The following UBXN2A variants were observed in gnomAD, a reference collection of about 807,000 sequenced individuals.
UBXN2A encodes the protein UBX domain-containing protein 2A.
A neutral mutation model predicts 28.4 loss-of-function variants in UBXN2A; 28 were observed. The ratio of observed to expected loss-of-function variants is 0.99; its 90% CI spans 0.73 to 1.35. The LOEUF (loss-of-function observed/expected upper bound fraction) is 1.35. UBXN2A is among the 40% of genes most tolerant of loss of function. The pLI is 0.00. For missense variants in UBXN2A, 253 were observed against 297.9 expected (o/e 0.85, Z 1.11); for synonymous variants, 97 against 103.6 (o/e 0.94, Z 0.39).
rs1487106122 is a variant in UBXN2A, at chr2:24,003,772, T to C, written c.*3905T>C. ...GGCAATGATAAAATCAATGAGCTTA[T>C]CTTTCTGATATAGAAAATAACAGGA... On this transcript the variant is annotated 3_prime_UTR_variant, in exon 7 of 7. Transcript: ENST00000309033. 1.3e-5 allele frequency: 2 copies of C among 151,186 alleles called. No homozygotes were observed. Among genetic ancestry groups the C allele is most frequent in the Non-Finnish European group, 2.9e-5 (2 of 67,862 alleles). The allele number at this position is 151,186 out of a possible 1,614,324, so 9.4% of individuals were successfully genotyped here.
intron 1 of UBXN2A, among the ~76,000 whole-genome samples, chr2:23,953,369 A>G (rs1253724884): frequency 6.6e-6 from 1 of 152,140 alleles, no homozygotes; most frequent in African/African-American, 2.4e-5. Flanking sequence ...TTTGATTTTA[A>G]TTATATTCCA....
At chr2:23,946,327 T>G (rs564986255) in intron 1 of UBXN2A, among the ~76,000 whole-genome samples, 3 of 148,074 alleles carry the variant, frequency 2.0e-5, no homozygotes, top group Non-Finnish European at 4.5e-5. Context: ...CTAATTTTTG[T>G]TTTTTGTTGT....
At chr2:23,944,996 T>G (rs1705989080) in intron 1 of UBXN2A, among the ~76,000 whole-genome samples, 1 of 152,162 alleles carries the variant, frequency 6.6e-6, no homozygotes, top group African/African-American at 2.4e-5. Context: ...TTTTCTTGCA[T>G]TTCTAGAAAA....
chr2:23,974,135 C>T (rs1707547576), intron 3 of UBXN2A, among the ~76,000 whole-genome samples: 1 of 150,782 alleles, frequency 6.6e-6, no homozygotes, highest in Admixed American at 6.6e-5. Context: ...CTGCCTCAGC[C>T]TCCTGAGTAG....
intron 1 of UBXN2A, among the ~76,000 whole-genome samples, chr2:23,952,289 GGT>G (rs1300129118): frequency 1.2e-4 from 18 of 151,622 alleles, no homozygotes; most frequent in Non-Finnish European, 2.2e-4. Flanking sequence ...TTTTTAAGAC[GGT>G]CTCCCTCTGT....
intron 1 of UBXN2A, among the ~76,000 whole-genome samples, chr2:23,932,410 C>T (rs532240165): frequency 2.6e-5 from 4 of 151,948 alleles, no homozygotes; most frequent in East Asian, 1.9e-4. Context: ...GCAAACATCC[C>T]GCAAAATCCT....
At chr2:23,970,697 A>G (rs1227452304) in intron 2 of UBXN2A, among the ~76,000 whole-genome samples, 3 of 151,968 alleles carry the variant, frequency 2.0e-5, no homozygotes, top group Non-Finnish European at 4.4e-5. Flanking sequence ...ACCATAATGT[A>G]GAATCAGTGG....
Position 24,001,073 on chromosome 2 carries a change from C to T in UBXN2A, c.*1206C>T, listed in dbSNP as rs1015795411. 1.3e-5 allele frequency: 2 copies of T among 152,236 alleles called. No homozygotes were observed. Among genetic ancestry groups the T allele is most frequent in the African/African-American group, 2.4e-5 (1 of 41,436 alleles). The allele number at this position is 152,236 out of a possible 1,614,324, so 9.4% of individuals were successfully genotyped here. A position where few individuals can be genotyped will look rare whatever the true frequency, so the allele number is the denominator to read the frequency against. On this transcript the variant is annotated 3_prime_UTR_variant, in exon 7 of 7. Transcript: ENST00000309033. ...GTGGCGCAATCTCAGCTCACCACAACCTCCACCTCCCGGGTTCAAGAGATT... is the reference window on the plus strand; with the variant it reads ...GTGGCGCAATCTCAGCTCACCACAATCTCCACCTCCCGGGTTCAAGAGATT...
chr2:23,984,873 T>A, intron 6 of UBXN2A, 42 bp downstream of exon 6: 1 of 1,525,940 alleles, frequency 6.6e-7, no homozygotes, highest in Non-Finnish European at 8.7e-7. Context: ...TTCACCAAGT[T>A]AAAATTTCAT....
chr2:23,994,729 T>C (rs2150918605), intron 6 of UBXN2A, among the ~76,000 whole-genome samples: 1 of 152,368 alleles, frequency 6.6e-6, no homozygotes. Flanking sequence ...ATCTGGTCAT[T>C]AGACCTTGTT....
intron 5 of UBXN2A, among the ~76,000 whole-genome samples, chr2:23,983,500 T>C (rs1707999713): frequency 1.3e-5 from 2 of 151,904 alleles, no homozygotes; most frequent in South Asian, 4.2e-4. Flanking sequence ...AGAGTGAAAC[T>C]CTGTCTCAAA....
chr2:23,928,046 G>T (rs1248373101), intron 1 of UBXN2A, among the ~76,000 whole-genome samples: 2 of 151,692 alleles, frequency 1.3e-5, no homozygotes, highest in Non-Finnish European at 2.9e-5. Context: ...TGTTGTGGTG[G>T]GCACCTGTAA....
chr2:23,993,856 T>C (rs1708440054), intron 6 of UBXN2A, among the ~76,000 whole-genome samples: 2 of 151,882 alleles, frequency 1.3e-5, no homozygotes, highest in African/African-American at 2.4e-5. Context: ...CCCAGCTAAT[T>C]TTTGTATTTT....
At chr2:23,951,968 T>C (rs1706394297) in intron 1 of UBXN2A, among the ~76,000 whole-genome samples, 1 of 105,766 alleles carries the variant, frequency 9.5e-6, no homozygotes, top group Non-Finnish European at 2.2e-5. Context: ...GTTTTTTTCC[T>C]TTTTTTTTTT....
At chr2:23,937,641 C>G (rs1215919898), upstream of UBXN2A, among the ~76,000 whole-genome samples, 1 of 152,132 alleles carries the variant, frequency 6.6e-6, no homozygotes, top group Non-Finnish European at 1.5e-5. Flanking sequence ...TAAATCAACT[C>G]CTTTTACAAT....
At chr2:23,985,670 C>T (rs917229279) in intron 6 of UBXN2A, among the ~76,000 whole-genome samples, 5 of 151,724 alleles carry the variant, frequency 3.3e-5, no homozygotes, top group Non-Finnish European at 7.4e-5. Context: ...CGCGAGCCAC[C>T]GTGCCCAGCT....
At chr2:23,989,953 G>A (rs956803151) in intron 6 of UBXN2A, among the ~76,000 whole-genome samples, 2 of 152,080 alleles carry the variant, frequency 1.3e-5, no homozygotes, top group Non-Finnish European at 2.9e-5. Context: ...TTCCATATTT[G>A]TAACTAACTT....
chr2:23,943,677 G>C (rs1705880372), intron 1 of UBXN2A, among the ~76,000 whole-genome samples: 1 of 151,980 alleles, frequency 6.6e-6, no homozygotes, highest in Admixed American at 6.6e-5. Context: ...AGTAGAGAGA[G>C]ACAGGGTTTC....
chr2:23,964,356 G>A (rs551716419), intron 2 of UBXN2A, among the ~76,000 whole-genome samples: 4 of 152,056 alleles, frequency 2.6e-5, no homozygotes, highest in South Asian at 2.1e-4. Flanking sequence ...CATTACAATC[G>A]TGTGCCACCA....
Sources: gnomAD v4.1 joint callset for allele counts (sites outside exome capture counted in the v4.1 genomes callset) on GRCh38, gnomAD v4.1.1 for gene constraint, MANE v1.5 for transcripts, NCBI Gene and HGNC (gene_info 2026-07-23, HGNC 2026-07-21) for gene names.